The following RERE variants were observed in gnomAD, a reference collection of about 807,000 sequenced individuals.
RERE encodes the protein arginine-glutamic acid dipeptide repeats protein.
RERE carries 40 observed loss-of-function variants against 146.1 expected under a neutral mutation model. The observed-to-expected ratio is 0.27, with a 90% CI of 0.21 to 0.36. The LOEUF is 0.36. Ranked by LOEUF, RERE falls within the 10% of genes least tolerant of loss-of-function variation. The pLI is 1.00. For synonymous variants in RERE, 1,003 were observed against 866.0 expected (o/e 1.16, Z -2.78); for missense variants, 1,933 against 2,138.7 (o/e 0.90, Z 1.90).
chr1:8,363,749 A>G (rs1641687769), intron 15 of RERE: 1 of 424,042 alleles, frequency 2.4e-6, no homozygotes, highest in Non-Finnish European at 4.3e-6. Flanking sequence ...ATTTGATACA[A>G]TGGAAGTGAC....
intron 4 of RERE, among the ~76,000 whole-genome samples, chr1:8,601,366 G>A (rs900878062): frequency 6.6e-6 from 1 of 151,940 alleles, no homozygotes; most frequent in African/African-American, 2.4e-5. Context: ...ATCACTGAGA[G>A]GAATGTTCCC....
In RERE at chr1:8,390,365, A is replaced by G. The variant is rs35608792; in HGVS notation, c.1285-24391T>C. ...AGTGGAAAAAACAAACCTGGCATGC[A>G]TGGTTCAGCGCCCTGGTAGTTTTGG... On this transcript the variant is annotated intron_variant, in intron 12 of 22. Coordinates refer to ENST00000400908, the MANE Select transcript of RERE (RefSeq NM_001042681.2). Among the ~76,000 whole-genome samples, 1,420 of 152,308 alleles carry G rather than the reference A, an allele frequency of 9.3e-3. 9 individuals are homozygous for G. Among genetic ancestry groups the G allele is most frequent in the Non-Finnish European group, 0.014 (979 of 68,020 alleles).
chr1:8,520,129 A>AT (rs1645472075), intron 7 of RERE, among the ~76,000 whole-genome samples: 2 of 152,264 alleles, frequency 1.3e-5, no homozygotes, highest in Non-Finnish European at 1.5e-5. Flanking sequence ...TACCACTTCC[A>AT]TATTCACACA....
chr1:8,380,627 G>A (rs1316154450), intron 12 of RERE: 4 of 355,570 alleles, frequency 1.1e-5, no homozygotes, highest in Non-Finnish European at 2.2e-5. Context: ...GATTACAGGC[G>A]TGAGCCACCA....
chr1:8,406,677 A>C (rs1643446491), intron 12 of RERE, among the ~76,000 whole-genome samples: 1 of 152,186 alleles, frequency 6.6e-6, no homozygotes, highest in Admixed American at 6.5e-5. Context: ...AACTTTCTGA[A>C]AGTCAAGGGT....
intron 12 of RERE, among the ~76,000 whole-genome samples, chr1:8,374,738 C>T (rs1034026609): frequency 6.6e-6 from 1 of 152,214 alleles, no homozygotes; most frequent in Non-Finnish European, 1.5e-5. Flanking sequence ...TCTGTGTTAC[C>T]GGAAGACTTT....
At chr1:8,362,302 A>G (rs1180118088) in intron 16 of RERE, among the ~76,000 whole-genome samples, 1 of 152,218 alleles carries the variant, frequency 6.6e-6, no homozygotes, top group East Asian at 1.9e-4. Flanking sequence ...CATGCAAACC[A>G]TGTGTCGATG....
chr1:8,651,027 G>T (rs1647602147), intron 2 of RERE, among the ~76,000 whole-genome samples: 1 of 151,754 alleles, frequency 6.6e-6, no homozygotes, highest in Non-Finnish European at 1.5e-5. Flanking sequence ...AACCCAGGAG[G>T]CAGAGGTTGC....
intron 1 of RERE, among the ~76,000 whole-genome samples, chr1:8,715,461 A>C (rs1209567975): frequency 2.0e-5 from 3 of 152,036 alleles, no homozygotes; most frequent in African/African-American, 7.2e-5. Context: ...TGGTAAGCCG[A>C]GATTGCACCA....
intron 1 of RERE, among the ~76,000 whole-genome samples, chr1:8,788,643 G>A (rs138575987): frequency 0.037 from 5,518 of 149,336 alleles, 301 homozygotes; most frequent in African/African-American, 0.13. Context: ...GATTACAGGC[G>A]TGAGCCACTG....
chr1:8,357,964 G>A (rs1044552268), intron 20 of RERE, among the ~76,000 whole-genome samples: 7 of 152,236 alleles, frequency 4.6e-5, no homozygotes, highest in Non-Finnish European at 8.8e-5. Context: ...GGCTTCACCC[G>A]TGTGCTGCAG....
At position 8,655,980 on chromosome 1, in the gene RERE, T is replaced by C; in HGVS notation, c.318A>G (p.Arg106=). The part of the protein sequence containing the change: ...SYITEDDVVY[R]PGDCVYIESR... ...AAACGTAAGGCTCCTTACCTCCTGG[T>C]CTGTAGACCACATCATCTTCAGTGA... The change falls in exon 2 of 23, where the codon AGA becomes AGG. Residue 106 remains arginine (R), a synonymous_variant. Coordinates refer to ENST00000400908, the MANE Select transcript of RERE (RefSeq NM_001042681.2). 6.2e-7 allele frequency: 1 copy of C among 1,613,614 alleles called. No individual in the cohort carries two copies. The highest frequency in any genetic ancestry group is 1.1e-5 in the South Asian group (1 of 91,020).
intron 4 of RERE, among the ~76,000 whole-genome samples, chr1:8,592,300 C>T (rs966105432): frequency 1.3e-5 from 2 of 152,036 alleles, no homozygotes; most frequent in South Asian, 4.2e-4. Context: ...CCGTCTCTGT[C>T]TGTCACCCAG....
chr1:8,412,672 A>G (rs1469317545), intron 12 of RERE, among the ~76,000 whole-genome samples: 1 of 152,264 alleles, frequency 6.6e-6, no homozygotes, highest in Admixed American at 6.5e-5. Flanking sequence ...AATCTTATAA[A>G]TAATCTAGAA....
At chr1:8,501,200 G>A (rs1329176983) in intron 8 of RERE, among the ~76,000 whole-genome samples, 132 of 101,028 alleles carry the variant, frequency 1.3e-3, no homozygotes, top group African/African-American at 5.0e-3. Flanking sequence ...CCGTCCGGGA[G>A]GGAGGTGGGG....
At chr1:8,630,625 T>TGAC (rs972020845) in intron 2 of RERE, among the ~76,000 whole-genome samples, 3 of 152,182 alleles carry the variant, frequency 2.0e-5, no homozygotes, top group Non-Finnish European at 4.4e-5. Context: ...GAAGCTCAGG[T>TGAC]GACAGCATCA....
chr1:8,517,297 T>C (rs1645433014), intron 7 of RERE, among the ~76,000 whole-genome samples: 1 of 152,126 alleles, frequency 6.6e-6, no homozygotes. Flanking sequence ...AACCTCAAAT[T>C]ACACTGTACA....
chr1:8,626,355 T>C (rs1646973539), intron 2 of RERE, among the ~76,000 whole-genome samples: 1 of 152,168 alleles, frequency 6.6e-6, no homozygotes, highest in Non-Finnish European at 1.5e-5. Context: ...ACATGCCCTC[T>C]CCTTTCTGTT....
At chr1:8,675,190 G>A (rs1160693107) in intron 1 of RERE, among the ~76,000 whole-genome samples, 2 of 152,028 alleles carry the variant, frequency 1.3e-5, no homozygotes, top group Non-Finnish European at 2.9e-5. Flanking sequence ...GCCTAGAGAC[G>A]TGCCATTTTC....
Sources: gnomAD v4.1 joint callset for allele counts (sites outside exome capture counted in the v4.1 genomes callset) on GRCh38, gnomAD v4.1.1 for gene constraint, MANE v1.5 for transcripts, NCBI Gene and HGNC (gene_info 2026-07-23, HGNC 2026-07-21) for gene names.